CD81: variants seen among roughly 807,000 people sequenced by gnomAD.
The protein encoded by CD81 is CD81 molecule, also known as CD81 antigen.
In CD81, 10 loss-of-function variants were observed where a neutral mutation model predicts 30.1. The observed-to-expected ratio is 0.33, with a 90% CI of 0.21 to 0.56. The LOEUF (loss-of-function observed/expected upper bound fraction) is 0.56. Among genes scored for constraint, CD81 ranks in the 20% least tolerant of loss-of-function variants. The pLI is 0.89. For missense variants in CD81, 263 were observed against 308.7 expected, an observed-to-expected ratio of 0.85 and a Z score of 1.11; for synonymous variants, 147 against 126.4, an observed-to-expected ratio of 1.16 and a Z score of -1.10.
intron 1 of CD81, among the ~76,000 whole-genome samples, chr11:2,389,103 A>G (rs1849849436): frequency 6.6e-6 from 1 of 152,048 alleles, no homozygotes; most frequent in Admixed American, 6.5e-5. Flanking sequence ...ATTGTGTCCT[A>G]GGGACGCAGA....
At position 2,395,454 on chromosome 11, in the gene CD81, A is replaced by G. The variant is rs1442240008; in HGVS notation, c.393A>G (p.Leu131=). ...TGAAGCAGTTCTATGACCAGGCCCT[A>G]CAGCAGGCCGTGGTGGATGATGACG... The part of the protein sequence containing the change: ...KDVKQFYDQA[L]QQAVVDDDAN... Residue 131 remains leucine, a synonymous_variant, in exon 5 of 8, where the codon CTA becomes CTG. Coordinates refer to ENST00000263645, the MANE Select transcript of CD81 (RefSeq NM_004356.4). 6.2e-7 allele frequency: 1 copy of G among 1,612,768 alleles called. No individual in the cohort carries two copies. Among genetic ancestry groups the G allele is most frequent in the Non-Finnish European group, 8.5e-7 (1 of 1,179,900 alleles).
chr11:2,395,371 G>T, intron 4 of CD81, 45 bp from the exon 5 acceptor site: 1 of 1,452,072 alleles, frequency 6.9e-7, no homozygotes, highest in Non-Finnish European at 9.7e-7. Context: ...TGGGGGCAAG[G>T]AGGGGGAGGT....
In CD81 at chr11:2,396,650, A is replaced by C; in HGVS notation, c.584A>C (p.Asp195Ala). 1 of 1,611,680 alleles carries C rather than the reference A, an allele frequency of 6.2e-7. No homozygotes were observed. Among genetic ancestry groups the C allele is most frequent in the Non-Finnish European group, 8.5e-7 (1 of 1,179,984 alleles). The part of the protein sequence containing the change: ...LFKEDCHQKI[D>A]DLFSGKLYLI... ...CAGGAGGACTGCCACCAGAAGATCG[A>C]TGACCTCTTCTCCGGGAAGCTGTAC... Residue 195 changes from aspartate to alanine, a missense_variant, in exon 7 of 8, where the codon GAT (aspartate) becomes GCT (alanine). Coordinates refer to ENST00000263645, the MANE Select transcript of CD81 (RefSeq NM_004356.4).
At chr11:2,396,172 A>G (rs1228128716) in intron 6 of CD81, 1 of 626,730 alleles carries the variant, frequency 1.6e-6, no homozygotes, top group African/African-American at 1.8e-5. Flanking sequence ...TGTGCTGCGC[A>G]TTCCGGGTGA....
At chr11:2,390,112 T>A in intron 1 of CD81, 1 of 529,978 alleles carries the variant, frequency 1.9e-6, no homozygotes, top group South Asian at 2.0e-5. Context: ...TATTCTGTTT[T>A]CATCTGAGAG....
At chr11:2,379,167 T>TG in intron 1 of CD81, 1 of 453,600 alleles carries the variant, frequency 2.2e-6, no homozygotes, top group Non-Finnish European at 4.4e-6. Context: ...AGACACAGGA[T>TG]GTCCCTCTGC....
At position 2,378,493 on chromosome 11, in the gene CD81, G is replaced by A. The variant is rs1849640423; in HGVS notation, c.66+878G>A. Among the ~76,000 whole-genome samples, 2 of 152,236 alleles carry A rather than the reference G, an allele frequency of 1.3e-5. No individual in the cohort carries two copies. The highest frequency in any genetic ancestry group is 4.8e-5 in the African/African-American group (2 of 41,474). On this transcript the variant is annotated intron_variant, in intron 1 of 7. Transcript: ENST00000263645. This position sits in a 1 kb window ranked among gnomAD's most constrained non-coding sequence, Gnocchi z 4.9. ...TGGGCATCTTTGGGTGCCAGCGTGG[G>A]TGGAGGAGGGTCTTTTGCTGAGAAT...
At chr11:2,382,430 C>G (rs1252630342) in intron 1 of CD81, 3 of 152,258 alleles carry the variant, frequency 2.0e-5, no homozygotes, top group African/African-American at 7.2e-5. Context: ...GGATCACGCC[C>G]CCACCACGCC....
At chr11:2,379,506 G>A (rs1849668340) in intron 1 of CD81, among the ~76,000 whole-genome samples, 1 of 150,642 alleles carries the variant, frequency 6.6e-6, no homozygotes, top group East Asian at 2.0e-4. Flanking sequence ...TGGACCTAGG[G>A]GCAGAGGCTG....
intron 2 of CD81, chr11:2,393,619 C>T: frequency 3.8e-6 from 2 of 520,164 alleles, no homozygotes; most frequent in South Asian, 4.9e-5. Flanking sequence ...GCATTGGTTC[C>T]AGTTCCGGTT....
intron 1 of CD81, chr11:2,386,226 T>G: frequency 1.4e-6 from 1 of 700,784 alleles, no homozygotes; most frequent in East Asian, 2.7e-5. Flanking sequence ...TCCTGTTTTT[T>G]GCCCATCTTT....
rs568951206 is a variant in CD81 at position 2,395,626 on chromosome 11, G to A, written c.459+106G>A. On this transcript the variant is annotated intron_variant, in intron 5 of 7. Transcript: ENST00000263645. ...TACGCCCAGACCTCAGGAGCAGGAG[G>A]TGCCCTTGGGACCTCCAGGACCCCT... 5.6e-4 allele frequency: 512 copies of A among 921,896 alleles called. 7 individuals are homozygous for A. In the South Asian group the frequency reaches 6.7e-3, roughly 12 times the overall value. 57.1% of individuals were successfully genotyped at this position (921,896 alleles called of 1,614,324 possible).
chr11:2,393,600 G>A (rs964327423), intron 2 of CD81: 1 of 488,290 alleles, frequency 2.0e-6, no homozygotes, highest in Non-Finnish European at 3.7e-6. Flanking sequence ...GCACCACACT[G>A]GGGAGGCAGC....
intron 2 of CD81, among the ~76,000 whole-genome samples, chr11:2,390,823 G>C (rs1849884976): frequency 1.3e-5 from 2 of 152,270 alleles, no homozygotes; most frequent in African/African-American, 4.8e-5. Flanking sequence ...TCCCTGAGAA[G>C]GGTGGGGCTG....
At chr11:2,392,987 TA>T (rs911124560) in intron 2 of CD81, 2 of 152,352 alleles carry the variant, frequency 1.3e-5, no homozygotes, top group African/African-American at 4.8e-5. Context: ...GCCGTGCCCG[TA>T]AGGAGGTGGC....
chr11:2,393,854 T>C (rs920401091), intron 2 of CD81: 12 of 673,022 alleles, frequency 1.8e-5, no homozygotes, highest in Admixed American at 4.1e-5. Context: ...GCTCATGAGG[T>C]GCCCAGTCCC....
At chr11:2,390,143 G>T in intron 1 of CD81, 2 of 578,846 alleles carry the variant, frequency 3.5e-6, no homozygotes, top group Non-Finnish European at 6.2e-6. Flanking sequence ...CCGGCGTCCC[G>T]TGTCTTCCTG....
chr11:2,390,165 C>A, intron 1 of CD81: 2 of 608,384 alleles, frequency 3.3e-6, no homozygotes, highest in Non-Finnish European at 5.9e-6. Context: ...CAGTCCTGCC[C>A]TGGAGTCACA....
chr11:2,396,712 A>G lies in CD81; in HGVS notation c.646A>G (p.Met216Val), dbSNP rs758070923. 10 of 1,611,622 alleles carry G rather than the reference A, an allele frequency of 6.2e-6. No homozygotes were observed. The highest frequency in any genetic ancestry group is 2.2e-5 in the East Asian group (1 of 44,872). Residue 216 changes from methionine (M) to valine (V), a missense_variant and splice_region_variant, in exon 7 of 8, where the codon ATG becomes GTG. By Grantham distance (21) the Met-to-Val change is conservative (BLOSUM62 1). Around this residue, in one of 3 missense-constraint regions of CD81, gnomAD observed 176 missense variants for 192.9 expected, o/e 0.91. Coordinates refer to ENST00000263645, the MANE Select transcript of CD81 (RefSeq NM_004356.4). ...TGCTGCCATCGTGGTCGCTGTGATC[A>G]TGGTGAGCGGGCGGGGGCGGAGGGC... is the stretch of plus-strand genomic sequence containing the variant. Reference protein sequence around the residue: ...GIAAIVVAVIMIFEMILSMVL... With the variant: ...GIAAIVVAVIVIFEMILSMVL...
Sources: allele counts gnomAD v4.1 joint callset (sites outside exome capture counted in the v4.1 genomes callset), GRCh38; gene constraint gnomAD v4.1.1; regional missense constraint gnomAD v4.1.1; non-coding constraint Gnocchi (gnomAD v3.1); transcripts MANE v1.5; gene names NCBI Gene and HGNC (gene_info 2026-07-23, HGNC 2026-07-21).